The following COL5A1 variants were observed in gnomAD, a reference collection of about 807,000 sequenced individuals.
COL5A1 encodes collagen alpha-1(V) chain.
In COL5A1, 16 loss-of-function variants were observed where a neutral mutation model predicts 263.7. The observed-to-expected ratio is 0.06, with a 90% CI of 0.04 to 0.09. The LOEUF (loss-of-function observed/expected upper bound fraction) is 0.09, where lower values mean the gene tolerates loss of function less well. COL5A1 is among the 10% of genes least tolerant of loss of function. COL5A1 has a pLI of 1.00. For missense variants in COL5A1, 2,036 were observed against 2,540.5 expected (o/e 0.80, Z 4.27); for synonymous variants, 1,012 against 1,004.5 (o/e 1.01, Z -0.14).
chr9:134,710,219 C>T (rs911987221), intron 4 of COL5A1, among the ~76,000 whole-genome samples: 1 of 152,224 alleles, frequency 6.6e-6, no homozygotes, highest in East Asian at 1.9e-4. Context: ...GCTCACTCAG[C>T]GTGGTGGCAG....
At chr9:134,760,897 GCATACACA>G (rs1295175500) in intron 18 of COL5A1, among the ~76,000 whole-genome samples, 1 of 120,414 alleles carries the variant, frequency 8.3e-6, no homozygotes, top group African/African-American at 3.3e-5. Context: ...ACCCACACAC[GCATACACA>G]CATGCACACA....
intron 19 of COL5A1, 123 bp from the exon 20 acceptor site, chr9:134,763,570 G>A (rs577089326): frequency 1.0e-6 from 1 of 972,342 alleles, no homozygotes; most frequent in African/African-American, 1.6e-5. Flanking sequence ...TGGTACCAGA[G>A]CTGGTAAACC....
At chr9:134,714,903 G>T (rs1337113180) in intron 4 of COL5A1, among the ~76,000 whole-genome samples, 3 of 151,844 alleles carry the variant, frequency 2.0e-5, no homozygotes, top group Non-Finnish European at 4.4e-5. Flanking sequence ...AGGTGGTGGT[G>T]GAGGTGATTG....
intron 19 of COL5A1, among the ~76,000 whole-genome samples, chr9:134,763,328 T>A (rs970565228): frequency 3.9e-5 from 6 of 152,198 alleles, no homozygotes; most frequent in Non-Finnish European, 5.9e-5. Context: ...CCCCAGAGGG[T>A]GGCCCAGGGG....
At chr9:134,707,583 G>A (rs542892508) in intron 4 of COL5A1, among the ~76,000 whole-genome samples, 131 of 131,840 alleles carry the variant, frequency 9.9e-4, no homozygotes, top group African/African-American at 3.3e-3. Context: ...CTGTGAGTGG[G>A]AACGTCCCCC....
At chr9:134,823,782 T>TGTGCATGTCTGTATGTGTACGTGC (rs1232154612) in intron 61 of COL5A1, among the ~76,000 whole-genome samples, 1 of 152,218 alleles carries the variant, frequency 6.6e-6, no homozygotes, top group Admixed American at 6.5e-5. Flanking sequence ...GGCACGTGTG[T>TGTGCATGTCTGTATGTGTACGTGC]GTGCATGTCT....
intron 27 of COL5A1, among the ~76,000 whole-genome samples, chr9:134,779,366 C>G (rs1837172683): frequency 6.6e-6 from 1 of 152,200 alleles, no homozygotes; most frequent in African/African-American, 2.4e-5. Context: ...AGTCCTGGGC[C>G]CCGTCCCAGA....
chr9:134,818,432 A>C lies in COL5A1; in HGVS notation c.4231-224A>C, dbSNP rs560427328. ...GTGACACCCGGTCTGTGGTCGGCGCAGTCAGCGGAGACGGGATCCCTGCTG... is the reference window on the plus strand; with the variant it reads ...GTGACACCCGGTCTGTGGTCGGCGCCGTCAGCGGAGACGGGATCCCTGCTG... On this transcript the variant is annotated intron_variant, in intron 54 of 65. Transcript: ENST00000371817. This position sits in a 1 kb window ranked among gnomAD's most constrained non-coding sequence, Gnocchi z 6.0. Among the ~76,000 whole-genome samples the C allele has an allele frequency of 2.8e-4, 42 of 152,280 alleles. No individual in the cohort carries two copies. In the East Asian group the frequency reaches 8.1e-3, roughly 29 times the overall value.
chr9:134,730,424 C>G lies in COL5A1; in HGVS notation c.1113C>G (p.Gly371=). Residue 371 remains glycine (G), a synonymous_variant, in exon 7 of 66, where the codon GGC becomes GGG. Coordinates refer to ENST00000371817, the MANE Select transcript of COL5A1 (RefSeq NM_000093.5). ...EENPDQPTDP[G]AGAEIPTSTA... is the part of the protein sequence containing the mutation. ...ACCCCGACCAGCCCACAGACCCAGG[C>G]GCTGGGGCCGAAATTCCCACCAGCA... The G allele has an allele frequency of 8.7e-6, 14 of 1,614,178 alleles. No individual in the cohort carries two copies. Among genetic ancestry groups the G allele is most frequent in the Non-Finnish European group, 1.1e-5 (13 of 1,180,034 alleles).
At chr9:134,830,074 G>T (rs763052948) in intron 64 of COL5A1, 30 bp downstream of exon 64, 3 of 1,613,610 alleles carry the variant, frequency 1.9e-6, no homozygotes, top group Non-Finnish European at 2.5e-6. Flanking sequence ...CTTTGCGGTT[G>T]TCACTTTAAA....
At chr9:134,720,794 C>A (rs374856445) in intron 4 of COL5A1, among the ~76,000 whole-genome samples, 1 of 152,138 alleles carries the variant, frequency 6.6e-6, no homozygotes, top group African/African-American at 2.4e-5. Context: ...CACATGCTGA[C>A]CTGGCTTCCA....
At chr9:134,708,097 G>A (rs1276291849) in intron 4 of COL5A1, among the ~76,000 whole-genome samples, 1 of 152,198 alleles carries the variant, frequency 6.6e-6, no homozygotes, top group African/African-American at 2.4e-5. Flanking sequence ...GAGGTGTCCG[G>A]GGAGGGAGGG....
chr9:134,670,686 C>T (rs929093007), intron 1 of COL5A1, among the ~76,000 whole-genome samples: 2 of 152,174 alleles, frequency 1.3e-5, no homozygotes, highest in Non-Finnish European at 2.9e-5. Context: ...AACTCACATG[C>T]ATGTAGAGCT....
At chr9:134,810,683 G>C (rs750658644) in intron 44 of COL5A1, among the ~76,000 whole-genome samples, 6 of 152,144 alleles carry the variant, frequency 3.9e-5, no homozygotes, top group Non-Finnish European at 8.8e-5. Flanking sequence ...TTCCCCTTTT[G>C]GTTTTTTCAT....
intron 2 of COL5A1, among the ~76,000 whole-genome samples, chr9:134,698,879 G>T (rs935650626): frequency 6.6e-6 from 1 of 152,236 alleles, no homozygotes; most frequent in Admixed American, 6.5e-5. Context: ...CCAGCCCTCC[G>T]TAGTGGTGCT....
At chr9:134,793,383 C>CT (rs1564462798) in intron 32 of COL5A1, among the ~76,000 whole-genome samples, 2 of 112,506 alleles carry the variant, frequency 1.8e-5, no homozygotes, top group African/African-American at 7.3e-5. Context: ...GCTAAGGAGG[C>CT]TGGGGGGGGC....
Position 134,727,148 on chromosome 9 carries a change from G to T in COL5A1, c.655-118G>T, listed in dbSNP as rs772017954. ...GGAGAATGTTTGGCTCTGAGGACAAGCTCGTCTTGTGGCTTGGTCTGGACT... is the reference window on the plus strand; with the variant it reads ...GGAGAATGTTTGGCTCTGAGGACAATCTCGTCTTGTGGCTTGGTCTGGACT... On this transcript the variant is annotated intron_variant, in intron 4 of 65. Transcript: ENST00000371817. The T allele has an allele frequency of 9.3e-4, 1,000 of 1,073,486 alleles. 2 individuals are homozygous for T. The highest frequency in any genetic ancestry group is 1.3e-3 in the Non-Finnish European group (940 of 702,252). The allele number at this position is 1,073,486 out of a possible 1,614,324, so 66.5% of individuals were successfully genotyped here. A position where few individuals can be genotyped will look rare whatever the true frequency, so the allele number is the denominator to read the frequency against.
Position 134,673,201 on chromosome 9 carries a change from T to C in COL5A1, c.110-17711T>C, listed in dbSNP as rs56785114. On this transcript the variant is annotated intron_variant, in intron 1 of 65. Transcript: ENST00000371817. ...TTATGTGGGGATGCAAAGGACCTAA[T>C]ATAACCAAAACAATTTTGAAAAAGA... Among the ~76,000 whole-genome samples, 526 of 152,320 alleles carry C rather than the reference T, an allele frequency of 3.5e-3. 6 individuals carry two copies. The highest frequency in any genetic ancestry group is 0.012 in the African/African-American group (482 of 41,562).
chr9:134,703,898 C>T (rs1459943814), intron 4 of COL5A1, among the ~76,000 whole-genome samples: 2 of 152,090 alleles, frequency 1.3e-5, no homozygotes, highest in Non-Finnish European at 2.9e-5. Flanking sequence ...CTCGGCCTCC[C>T]ACAGTGCTGG....
Sources: gnomAD v4.1 joint callset for allele counts (sites outside exome capture counted in the v4.1 genomes callset) on GRCh38, gnomAD v4.1.1 for gene constraint, Gnocchi (gnomAD v3.1) non-coding constraint, MANE v1.5 for transcripts, NCBI Gene and HGNC (gene_info 2026-07-23, HGNC 2026-07-21) for gene names.